Variants in PVT1 observed in about 807,000 individuals in gnomAD.
PVT1 encodes the protein Pvt1 oncogene, also known as CXCR4/PVT1 fusion.
chr8:127,999,465 A>ATT (rs35695990), intron 4 of PVT1, among the ~76,000 whole-genome samples: 2 of 143,758 alleles, frequency 1.4e-5, no homozygotes, highest in South Asian at 2.2e-4. Flanking sequence ...CATTTCACCC[A>ATT]TTTTTTTTTT....
chr8:128,018,124 G>A (rs570091953), intron 4 of PVT1, among the ~76,000 whole-genome samples: 4 of 152,310 alleles, frequency 2.6e-5, no homozygotes, highest in South Asian at 2.1e-4. Context: ...CCTCCAGCAC[G>A]TGCACAGAAT....
intron 3 of PVT1, among the ~76,000 whole-genome samples, chr8:127,944,190 C>T (rs1258906845): frequency 1.3e-5 from 2 of 152,120 alleles, no homozygotes; most frequent in South Asian, 2.1e-4. Flanking sequence ...TGGGCTCAAT[C>T]GATCCTCCTG....
chr8:127,798,530 G>C (rs1814424301), intron 2 of PVT1, among the ~76,000 whole-genome samples: 1 of 151,884 alleles, frequency 6.6e-6, no homozygotes, highest in African/African-American at 2.4e-5. Flanking sequence ...AGTTTGGGCT[G>C]TGGGTGTGGG....
At chr8:127,900,859 A>C (rs1369710508) in intron 3 of PVT1, among the ~76,000 whole-genome samples, 1 of 152,196 alleles carries the variant, frequency 6.6e-6, no homozygotes, top group Non-Finnish European at 1.5e-5. Flanking sequence ...TCTGGAAGGC[A>C]GGAGTGGGTG....
chr8:127,959,028 T>A (rs538192177), intron 3 of PVT1, among the ~76,000 whole-genome samples: 1 of 129,348 alleles, frequency 7.7e-6, no homozygotes, highest in Admixed American at 8.3e-5. Context: ...TGTTCTGTGC[T>A]GCCCCTTAGC....
chr8:128,045,157 ACACCCTGAGCTCCTG>A (rs772353831), intron 4 of PVT1, among the ~76,000 whole-genome samples: 9 of 152,122 alleles, frequency 5.9e-5, no homozygotes, highest in Non-Finnish European at 1.0e-4. Context: ...GCCCTTGGAC[ACACCCTGAGCTCCTG>A]CCCTATCACT....
intron 3 of PVT1, among the ~76,000 whole-genome samples, chr8:127,953,284 C>A (rs966484258): frequency 6.6e-6 from 1 of 152,114 alleles, no homozygotes; most frequent in Non-Finnish European, 1.5e-5. Flanking sequence ...ACTGCAACCT[C>A]CCTGTGCAGG....
At chr8:127,832,597 G>C (rs187962483) in intron 2 of PVT1, among the ~76,000 whole-genome samples, 3 of 152,224 alleles carry the variant, frequency 2.0e-5, no homozygotes, top group Non-Finnish European at 2.9e-5. Flanking sequence ...GGTGGCTCAC[G>C]CCTGTAATCC....
chr8:128,087,672 CAA>C (rs1814275568), intron 5 of PVT1, among the ~76,000 whole-genome samples: 1 of 151,614 alleles, frequency 6.6e-6, no homozygotes, highest in Non-Finnish European at 1.5e-5. Context: ...ATTGGCTCAC[CAA>C]AGTTTTTGCT....
intron 5 of PVT1, among the ~76,000 whole-genome samples, chr8:128,087,712 A>C (rs1814276028): frequency 6.7e-6 from 1 of 149,492 alleles, no homozygotes; most frequent in African/African-American, 2.5e-5. Flanking sequence ...CAATCATGGA[A>C]ACCCTCTAAC....
intron 3 of PVT1, among the ~76,000 whole-genome samples, chr8:127,962,548 C>T (rs1816656842): frequency 6.6e-6 from 1 of 152,134 alleles, no homozygotes; most frequent in Non-Finnish European, 1.5e-5. Context: ...GGCCTAGGGC[C>T]TGGGTGTTCT....
intron 2 of PVT1, among the ~76,000 whole-genome samples, chr8:127,810,553 T>C (rs1375375259): frequency 1.3e-5 from 2 of 152,210 alleles, no homozygotes; most frequent in African/African-American, 4.8e-5. Flanking sequence ...AAGCACTGCC[T>C]TGGGGTCAGA....
At chr8:128,085,143 G>T (rs1352421091) in intron 5 of PVT1, among the ~76,000 whole-genome samples, 2 of 152,140 alleles carry the variant, frequency 1.3e-5, no homozygotes, top group Non-Finnish European at 2.9e-5. Flanking sequence ...AAAGCACTGG[G>T]ACTGTCAAGC....
rs536092763 is a variant in PVT1, at chr8:127,796,881, T to G, written n.372+810T>G. Reference sequence around the variant, plus strand: ...TCTTCTTTTTCTCTTGTTTTGCTTTTTTTTTTTTTTTTTTGAGACAGAGTT... The same window carrying G: ...TCTTCTTTTTCTCTTGTTTTGCTTTGTTTTTTTTTTTTTTGAGACAGAGTT... On this transcript the variant is annotated intron_variant and non_coding_transcript_variant, in intron 2 of 10. Transcript: ENST00000651587. Among the ~76,000 whole-genome samples the G allele has an allele frequency of 1.3e-5, 2 of 148,674 alleles. 1 individual carries two copies. The highest frequency in any genetic ancestry group is 4.9e-5 in the African/African-American group (2 of 40,962).
intron 2 of PVT1, among the ~76,000 whole-genome samples, chr8:127,820,676 G>T (rs1027021553): frequency 6.6e-6 from 1 of 151,900 alleles, no homozygotes; most frequent in Non-Finnish European, 1.5e-5. Context: ...GGGCTGAGCA[G>T]TTGGCCTCTC....
intron 2 of PVT1, among the ~76,000 whole-genome samples, chr8:127,810,938 C>T (rs1814587394): frequency 6.6e-6 from 1 of 152,140 alleles, no homozygotes; most frequent in Non-Finnish European, 1.5e-5. Flanking sequence ...TCTCACAGCT[C>T]ACACCCCATA....
intron 3 of PVT1, among the ~76,000 whole-genome samples, chr8:127,896,224 T>A (rs1380748781): frequency 6.6e-6 from 1 of 152,096 alleles, no homozygotes; most frequent in African/African-American, 2.4e-5. Flanking sequence ...TATCCATACA[T>A]GGTAAAACGT....
chr8:127,808,934 G>A (rs1398279537), intron 2 of PVT1, among the ~76,000 whole-genome samples: 8 of 147,206 alleles, frequency 5.4e-5, no homozygotes, highest in African/African-American at 7.7e-5. Flanking sequence ...GGAAGCTGAG[G>A]CAGGAAAATA....
chr8:127,957,070 C>T (rs1226384186), intron 3 of PVT1, among the ~76,000 whole-genome samples: 1 of 152,132 alleles, frequency 6.6e-6, no homozygotes, highest in African/African-American at 2.4e-5. Context: ...ACTTTTCAAC[C>T]ACCATTTACC....
Sources: allele counts gnomAD v4.1 joint callset (sites outside exome capture counted in the v4.1 genomes callset), GRCh38; gene constraint gnomAD v4.1.1; transcripts MANE v1.5; gene names NCBI Gene and HGNC (gene_info 2026-07-23, HGNC 2026-07-21).